Variants in CYBB observed in about 807,000 individuals in gnomAD.
CYBB encodes cytochrome b-245 beta chain, also known as NADPH oxidase 2.
CYBB carries 5 observed loss-of-function variants against 46.5 expected under a neutral mutation model. That is an observed-to-expected ratio of 0.11 (90% confidence interval 0.06 to 0.23). The LOEUF is 0.23. Among genes scored for constraint, CYBB ranks in the 10% least tolerant of loss-of-function variants. The pLI, the probability that CYBB is intolerant of heterozygous loss-of-function variation, is 1.00. For synonymous variants in CYBB, 183 were observed against 156.7 expected (o/e 1.17, Z -1.26); for missense variants, 307 against 428.3 (o/e 0.72, Z 2.50).
Position 37,812,299 on chromosome X carries a change from T to C in CYBB, c.*1382T>C, listed in dbSNP as rs1448834727. On this transcript the variant is annotated 3_prime_UTR_variant, in exon 13 of 13. Transcript: ENST00000378588. The stretch of plus-strand genomic sequence containing the variant: ...CCATTTCTGGGAACTAAAACCAGTT[T>C]TATTTGCCCCACCCCTTGGAGCCAC... 8.9e-6 allele frequency: 1 copy of C among 111,798 alleles called. No homozygotes were observed. The highest frequency in any genetic ancestry group is 1.9e-5 in the Non-Finnish European group (1 of 53,123). The allele number at this position is 111,798 out of a possible 1,213,427, so 9.2% of individuals were successfully genotyped here.
At chrX:37,785,909 C>A (rs1023885619) in intron 3 of CYBB, among the ~76,000 whole-genome samples, 9 of 111,336 alleles carry the variant, frequency 8.1e-5, no homozygotes, top group African/African-American at 2.9e-4. Context: ...TGTTGTAATG[C>A]CAGCTTTTAT....
intron 11 of CYBB, among the ~76,000 whole-genome samples, chrX:37,807,442 A>G (rs1929588222): frequency 9.1e-6 from 1 of 110,282 alleles, no homozygotes; most frequent in Admixed American, 9.7e-5. Context: ...CTACATTTAT[A>G]ATTATTATGC....
At chrX:37,810,750 TCCCAAAG>T in intron 12 of CYBB, 34 bp from the exon 13 acceptor site, 1 of 1,193,548 alleles carries the variant, frequency 8.4e-7, no homozygotes, top group African/African-American at 1.7e-5. Context: ...AGACATCTCA[TCCCAAAG>T]CTTGAAATTG....
chrX:37,806,082 C>T (rs1929555666), intron 10 of CYBB, among the ~76,000 whole-genome samples: 1 of 111,658 alleles, frequency 9.0e-6, no homozygotes, highest in East Asian at 2.8e-4. Context: ...AGAAGAGGTT[C>T]GAAGGAAGCC....
At position 37,811,050 on chromosome X, in the gene CYBB, G is replaced by A. The variant is rs1389507168; in HGVS notation, c.*133G>A. The A allele has an allele frequency of 1.8e-5, 11 of 609,402 alleles. No homozygotes were observed. Among genetic ancestry groups the A allele is most frequent in the Middle Eastern group, 4.6e-4 (1 of 2,168 alleles). 50.2% of individuals were successfully genotyped at this position (609,402 alleles called of 1,213,427 possible). A position where few individuals can be genotyped will look rare whatever the true frequency, so the allele number is the denominator to read the frequency against. ...ATAATGTAATGGTTTTCCCTTAAAG[G>A]AATGTCAAAGATTGTTTGATAGTGA... is the stretch of plus-strand genomic sequence containing the variant. On this transcript the variant is annotated 3_prime_UTR_variant, in exon 13 of 13. Coordinates refer to ENST00000378588, the MANE Select transcript of CYBB (RefSeq NM_000397.4).
chrX:37,784,610 A>G (rs1929021192), intron 3 of CYBB, among the ~76,000 whole-genome samples: 1 of 90,663 alleles, frequency 1.1e-5, no homozygotes, highest in South Asian at 4.3e-4. Flanking sequence ...TGACCACACC[A>G]AAGAGGGTAG....
chrX:37,781,523 G>T (rs1928951940), intron 1 of CYBB, among the ~76,000 whole-genome samples: 1 of 112,077 alleles, frequency 8.9e-6, no homozygotes, highest in Non-Finnish European at 1.9e-5. Context: ...GATCTAGAAA[G>T]CTGTTTTTGT....
At chrX:37,781,416 G>A (rs1325286872) in intron 1 of CYBB, among the ~76,000 whole-genome samples, 1 of 112,408 alleles carries the variant, frequency 8.9e-6, no homozygotes, top group Admixed American at 9.4e-5. Flanking sequence ...TAGCTTCAAA[G>A]CATAGTTGAG....
intron 3 of CYBB, among the ~76,000 whole-genome samples, 199 bp from the exon 4 acceptor site, chrX:37,791,776 T>C (rs1046413530): frequency 9.8e-5 from 11 of 111,983 alleles, no homozygotes; most frequent in Non-Finnish European, 1.5e-4. Context: ...GCCAGCCATG[T>C]CACTTACTGG....
In CYBB at chrX:37,812,075, C is replaced by A. The variant is rs184252383; in HGVS notation, c.*1158C>A. The A allele has an allele frequency of 8.9e-6, 1 of 111,990 alleles. No homozygotes were observed. Among genetic ancestry groups the A allele is most frequent in the Non-Finnish European group, 1.9e-5 (1 of 53,197 alleles). 9.2% of individuals were successfully genotyped at this position (111,990 alleles called of 1,213,427 possible). A position where few individuals can be genotyped will look rare whatever the true frequency, so the allele number is the denominator to read the frequency against. On this transcript the variant is annotated 3_prime_UTR_variant, in exon 13 of 13. Transcript: ENST00000378588. The stretch of plus-strand genomic sequence containing the variant: ...CCGTAAATACACACACAAAATGGAT[C>A]GCATCTGTGTGACTAATGGTTTATT...
intron 6 of CYBB, chrX:37,798,115 T>C (rs782214029): frequency 8.9e-6 from 1 of 111,888 alleles, no homozygotes; most frequent in African/African-American, 3.2e-5. Context: ...ACACAATAAA[T>C]TTTAGGTCTC....
intron 7 of CYBB, among the ~76,000 whole-genome samples, chrX:37,800,886 T>C (rs1556469721): frequency 8.9e-6 from 1 of 112,317 alleles, no homozygotes; most frequent in Non-Finnish European, 1.9e-5. Context: ...ATTGTGTTGC[T>C]GAAATGTTAT....
intron 3 of CYBB, among the ~76,000 whole-genome samples, chrX:37,784,859 T>G (rs916780158): frequency 8.9e-6 from 1 of 111,888 alleles, no homozygotes; most frequent in Admixed American, 9.5e-5. Context: ...AGGATTTTAC[T>G]GGTAAACTAG....
intron 2 of CYBB, among the ~76,000 whole-genome samples, chrX:37,783,183 A>C (rs782307382): frequency 8.9e-6 from 1 of 111,950 alleles, no homozygotes; most frequent in Non-Finnish European, 1.9e-5. Context: ...AATGTGATAA[A>C]GCAAGCATAA....
chrX:37,801,667 C>T (rs185552934), intron 8 of CYBB, among the ~76,000 whole-genome samples: 3 of 101,257 alleles, frequency 3.0e-5, no homozygotes, highest in South Asian at 4.5e-4. Context: ...GAGGGGAAGG[C>T]GACAGAGGCA....
In CYBB at chrX:37,803,873, A is replaced by G. The variant is rs1454803382; in HGVS notation, c.898-4A>G. 3 of 1,209,756 alleles carry G rather than the reference A, an allele frequency of 2.5e-6. No homozygotes were observed. Among genetic ancestry groups the G allele is most frequent in the South Asian group, 1.8e-5 (1 of 56,934 alleles). ...CATTTCCAGACATATGTTTTATTCT[A>G]TAGGTGGTCACTCACCCTTTCAAAA... On this transcript the variant is annotated splice_region_variant and splice_polypyrimidine_tract_variant and intron_variant, in intron 8 of 12. Coordinates refer to ENST00000378588, the MANE Select transcript of CYBB (RefSeq NM_000397.4).
Position 37,805,154 on chromosome X carries a change from C to T in CYBB, c.1300C>T (p.Leu434=), listed in dbSNP as rs781891223. The change falls in exon 10 of 13, where the codon CTG becomes TTG. Residue 434 remains leucine, a synonymous_variant. Transcript: ENST00000378588. ...CAAATATTGCAATAACGCCACCAAT[C>T]TGAAGCTCAAAAAGGTAAGTCCTTT... The part of the protein sequence containing the change: ...WYKYCNNATN[L]KLKKIYFYWL... 3.2e-5 allele frequency: 39 copies of T among 1,209,518 alleles called. No individual in the cohort carries two copies. The highest frequency in any genetic ancestry group is 1.4e-4 in the South Asian group (8 of 56,855).
chrX:37,785,821 T>A (rs1203747229), intron 3 of CYBB, among the ~76,000 whole-genome samples: 1 of 111,894 alleles, frequency 8.9e-6, no homozygotes, highest in Non-Finnish European at 1.9e-5. Flanking sequence ...TTCACCAAGA[T>A]GGCCTGTTAA....
rs372333440 is a variant in CYBB, at chrX:37,784,523, G to T, written c.252+923G>T. Among the ~76,000 whole-genome samples, 8 of 111,362 alleles carry T rather than the reference G, an allele frequency of 7.2e-5. No homozygotes were observed. The East Asian group carries it at 2.3e-3, about 32-fold the overall frequency. ...AAGCACAGGAAATAGTGAGGAAATC[G>T]TATTCTTGAAGGCCAAGAATTGGCA... is the stretch of plus-strand genomic sequence containing the variant. On this transcript the variant is annotated intron_variant, in intron 3 of 12. Coordinates refer to ENST00000378588, the MANE Select transcript of CYBB (RefSeq NM_000397.4).
Sources: gnomAD v4.1 joint callset for allele counts (sites outside exome capture counted in the v4.1 genomes callset) on GRCh38, gnomAD v4.1.1 for gene constraint, MANE v1.5 for transcripts, NCBI Gene and HGNC (gene_info 2026-07-23, HGNC 2026-07-21) for gene names.